TEX11: variants seen among roughly 807,000 people sequenced by gnomAD.
TEX11 encodes testis-expressed protein 11.
Under a neutral mutation model 84.4 loss-of-function variants are expected in TEX11, and 7 were observed. The ratio of observed to expected loss-of-function variants is 0.08; its 90% CI spans 0.05 to 0.16. TEX11 has a LOEUF of 0.16. TEX11 is among the 10% of genes least tolerant of loss of function. The pLI is 1.00. For synonymous variants in TEX11, 264 were observed against 222.8 expected, an observed-to-expected ratio of 1.18 and a Z score of -1.64; for missense variants, 551 against 660.5, an observed-to-expected ratio of 0.83 and a Z score of 1.82.
intron 20 of TEX11, among the ~76,000 whole-genome samples, chrX:70,620,958 T>C (rs1433710644): frequency 9.0e-6 from 1 of 111,621 alleles, no homozygotes; most frequent in Non-Finnish European, 1.9e-5. Context: ...TTTAGGGCAG[T>C]GAAAATACTC....
intron 17 of TEX11, among the ~76,000 whole-genome samples, chrX:70,639,947 G>A (rs760099306): frequency 1.1e-3 from 123 of 111,770 alleles, no homozygotes; most frequent in Non-Finnish European, 2.1e-3. Context: ...GAGAGAAGAA[G>A]ACTTCAGACG....
intron 18 of TEX11, among the ~76,000 whole-genome samples, chrX:70,628,420 A>G (rs2089473251): frequency 9.0e-6 from 1 of 111,025 alleles, no homozygotes; most frequent in South Asian, 3.8e-4. Flanking sequence ...CCAAAGCCCA[A>G]CTTAAGGTTT....
chrX:70,660,759 G>C (rs1307851569), intron 16 of TEX11, among the ~76,000 whole-genome samples: 1 of 112,529 alleles, frequency 8.9e-6, no homozygotes, highest in African/African-American at 3.2e-5. Flanking sequence ...TAAAAGGCTG[G>C]GCGAGGTGGC....
chrX:70,855,935 A>G (rs984381352), intron 5 of TEX11, among the ~76,000 whole-genome samples: 3 of 111,843 alleles, frequency 2.7e-5, no homozygotes, highest in Admixed American at 9.6e-5. Flanking sequence ...GGGAAAATAA[A>G]TATCTGTTGT....
At chrX:70,548,486 G>A (rs999492444) in intron 28 of TEX11, among the ~76,000 whole-genome samples, 3 of 110,547 alleles carry the variant, frequency 2.7e-5, no homozygotes, top group Admixed American at 9.6e-5. Context: ...TTTTAACTTC[G>A]TATCACCGAA....
At chrX:70,861,624 G>C (rs757253269) in intron 4 of TEX11, among the ~76,000 whole-genome samples, 9 of 109,220 alleles carry the variant, frequency 8.2e-5, no homozygotes, top group African/African-American at 2.7e-4. Flanking sequence ...GCGCCACCAC[G>C]CCCAGCTAAT....
intron 13 of TEX11, among the ~76,000 whole-genome samples, chrX:70,710,630 G>A (rs2090420720): frequency 9.3e-6 from 1 of 107,979 alleles, no homozygotes; most frequent in Admixed American, 1.0e-4. Flanking sequence ...GACATCACCT[G>A]CGAGCTTCTA....
intron 9 of TEX11, among the ~76,000 whole-genome samples, chrX:70,774,336 T>C (rs1462015477): frequency 9.4e-6 from 1 of 106,245 alleles, no homozygotes; most frequent in Non-Finnish European, 1.9e-5. Flanking sequence ...GAACGTCCAC[T>C]ATCACCACTC....
chrX:70,687,274 C>A (rs2090197138), intron 13 of TEX11, among the ~76,000 whole-genome samples: 1 of 111,617 alleles, frequency 9.0e-6, no homozygotes, highest in South Asian at 3.7e-4. Flanking sequence ...AAGATAGAAA[C>A]TATTTTTTGT....
At chrX:70,787,410 A>G (rs1441590673) in intron 9 of TEX11, among the ~76,000 whole-genome samples, 1 of 109,653 alleles carries the variant, frequency 9.1e-6, no homozygotes, top group African/African-American at 3.3e-5. Flanking sequence ...AACTCATTGC[A>G]ACCTCCACCT....
intron 9 of TEX11, among the ~76,000 whole-genome samples, chrX:70,800,585 G>A (rs951768851): frequency 2.7e-5 from 3 of 110,593 alleles, no homozygotes; most frequent in African/African-American, 6.6e-5. Context: ...ATGAAAATAT[G>A]GAGAAAAGAC....
In TEX11 at chrX:70,711,886, T is replaced by A. The variant is rs2090438416; in HGVS notation, c.1004+10732A>T. On this transcript the variant is annotated intron_variant, in intron 13 of 29. Transcript: ENST00000374333. ...GCCCATGCCTATGTCCTGAATGGTATTGCCTAGGTTTTCTTCTAGGGTTTT... is the reference window on the plus strand; with the variant it reads ...GCCCATGCCTATGTCCTGAATGGTAATGCCTAGGTTTTCTTCTAGGGTTTT... 2.7e-5 allele frequency among the ~76,000 whole-genome samples: 3 copies of A among 111,693 alleles called. No homozygotes were observed. The South Asian group carries it at 1.1e-3, about 42-fold the overall frequency.
At chrX:70,739,537 G>A (rs902871490) in intron 11 of TEX11, among the ~76,000 whole-genome samples, 1 of 107,144 alleles carries the variant, frequency 9.3e-6, no homozygotes, top group African/African-American at 3.4e-5. Context: ...TCAGCCTCCC[G>A]AGTAGCTGGG....
rs796459357 is a variant in TEX11 at position 70,715,643 on chromosome X, A to T, written c.1004+6975T>A. Among the ~76,000 whole-genome samples, 4 of 111,991 alleles carry T rather than the reference A, an allele frequency of 3.6e-5. No homozygotes were observed. In the South Asian group the frequency reaches 1.1e-3, roughly 31 times the overall value. On this transcript the variant is annotated intron_variant, in intron 13 of 29. Transcript: ENST00000374333. The stretch of plus-strand genomic sequence containing the variant: ...TCGTGCCATGGTTTTCAGCTCCATC[A>T]GGTCCTTTAAGGACTTCTCTGCATT...
chrX:70,623,286 C>T (rs2089415412), intron 20 of TEX11, among the ~76,000 whole-genome samples: 1 of 111,815 alleles, frequency 8.9e-6, no homozygotes, highest in Non-Finnish European at 1.9e-5. Context: ...ATCAACACCC[C>T]GAGTAGAGTT....
chrX:70,739,505 G>C, intron 11 of TEX11, among the ~76,000 whole-genome samples: 1 of 106,513 alleles, frequency 9.4e-6, no homozygotes, highest in East Asian at 2.9e-4. Context: ...TCTGCCTCCT[G>C]GGTTCAAGCG....
At chrX:70,565,495 T>G (rs1198466133) in intron 25 of TEX11, among the ~76,000 whole-genome samples, 1 of 110,995 alleles carries the variant, frequency 9.0e-6, no homozygotes, top group Non-Finnish European at 1.9e-5. Flanking sequence ...ATGTCCTGAA[T>G]GGTAATGCCT....
At chrX:70,570,422 G>A (rs992255742) in intron 25 of TEX11, among the ~76,000 whole-genome samples, 14 of 111,743 alleles carry the variant, frequency 1.3e-4, no homozygotes, top group Non-Finnish European at 2.3e-4. Context: ...ACTGTCCTGC[G>A]CCCACTGTCT....
chrX:70,885,173 TG>T (rs201334832), intron 2 of TEX11, among the ~76,000 whole-genome samples: 4 of 110,261 alleles, frequency 3.6e-5, no homozygotes, highest in East Asian at 2.9e-4. Context: ...CAAGCCTAAT[TG>T]GGGGGGCCCT....
Sources: allele counts gnomAD v4.1 joint callset (sites outside exome capture counted in the v4.1 genomes callset), GRCh38; gene constraint gnomAD v4.1.1; transcripts MANE v1.5; gene names NCBI Gene and HGNC (gene_info 2026-07-23, HGNC 2026-07-21).